The following KAT6B variants were observed in gnomAD, a reference collection of about 807,000 sequenced individuals.
KAT6B encodes histone acetyltransferase KAT6B.
KAT6B carries 10 observed loss-of-function variants against 187.5 expected under a neutral mutation model. The ratio of observed to expected loss-of-function variants is 0.05; its 90% confidence interval spans 0.03 to 0.09. KAT6B has a LOEUF of 0.09. KAT6B is among the 10% of genes least tolerant of loss of function. KAT6B has a pLI of 1.00. For synonymous variants in KAT6B, 861 were observed against 926.8 expected (o/e 0.93, Z 1.29); for missense variants, 1,952 against 2,558.9 (o/e 0.76, Z 5.12).
chr10:75,010,145 T>TGG (rs1245474036), intron 13 of KAT6B, among the ~76,000 whole-genome samples: 1 of 152,062 alleles, frequency 6.6e-6, no homozygotes, highest in Non-Finnish European at 1.5e-5. Context: ...GCAATAACCC[T>TGG]GGGGGGACAC....
chr10:74,973,078 G>A (rs1036240945), intron 7 of KAT6B, among the ~76,000 whole-genome samples: 1 of 152,212 alleles, frequency 6.6e-6, no homozygotes, highest in Non-Finnish European at 1.5e-5. Context: ...TGATAGTAAT[G>A]TAGCATTACC....
At chr10:75,020,464 T>C in intron 13 of KAT6B, 118 bp from the exon 14 acceptor site, 2 of 743,094 alleles carry the variant, frequency 2.7e-6, no homozygotes, top group Non-Finnish European at 4.8e-6. Flanking sequence ...CTAAAGCGAA[T>C]GCACTTCTCT....
At chr10:74,906,455 A>G (rs758324607) in intron 3 of KAT6B, among the ~76,000 whole-genome samples, 22 of 152,106 alleles carry the variant, frequency 1.4e-4, no homozygotes, top group Non-Finnish European at 2.5e-4. Flanking sequence ...ATATTGGGAC[A>G]TTTGAAAGAT....
intron 3 of KAT6B, among the ~76,000 whole-genome samples, chr10:74,878,634 A>AG (rs1042921506): frequency 6.6e-6 from 1 of 152,002 alleles, no homozygotes; most frequent in Non-Finnish European, 1.5e-5. Context: ...AAAAAAAAAA[A>AG]AAAAAGACAT....
chr10:74,972,807 C>G (rs1841932778), intron 7 of KAT6B, among the ~76,000 whole-genome samples, 168 bp downstream of exon 7: 1 of 152,008 alleles, frequency 6.6e-6, no homozygotes, highest in Non-Finnish European at 1.5e-5. Flanking sequence ...TTGAAAATAA[C>G]ATTTTTAATT....
At chr10:74,979,487 C>T (rs1842373412) in intron 10 of KAT6B, 148 bp downstream of exon 10, 7 of 692,920 alleles carry the variant, frequency 1.0e-5, no homozygotes, top group South Asian at 9.4e-5. Context: ...ATTGCTTTTG[C>T]CAGCACCTTT....
At chr10:74,973,448 A>G (rs936917403) in intron 7 of KAT6B, among the ~76,000 whole-genome samples, 19 of 152,216 alleles carry the variant, frequency 1.2e-4, no homozygotes, top group African/African-American at 3.4e-4. Context: ...AGTTCTACCA[A>G]CAGACTACCA....
chr10:74,969,522 C>A lies in KAT6B; in HGVS notation c.731-138C>A. ...GAAAGGAAAATCTGTAATTCGGATT[C>A]TCTGATCTGTTGGCATTTTCAAGTT... is the stretch of plus-strand genomic sequence containing the variant. On this transcript the variant is annotated intron_variant, in intron 4 of 17. Coordinates refer to ENST00000287239, the MANE Select transcript of KAT6B (RefSeq NM_012330.4). The A allele has an allele frequency of 4.4e-6, 3 of 686,194 alleles. No individual in the cohort carries two copies. In the South Asian group the frequency reaches 4.7e-5, roughly 11 times the overall value. The allele number at this position is 686,194 out of a possible 1,614,324, so 42.5% of individuals were successfully genotyped here. A position where few individuals can be genotyped will look rare whatever the true frequency, so the allele number is the denominator to read the frequency against.
intron 3 of KAT6B, among the ~76,000 whole-genome samples, chr10:74,851,521 C>T (rs994946954): frequency 3.9e-5 from 6 of 151,910 alleles, no homozygotes; most frequent in African/African-American, 7.3e-5. Flanking sequence ...TTAGTAGAAA[C>T]GGGGTTTCAC....
intron 3 of KAT6B, among the ~76,000 whole-genome samples, chr10:74,857,699 T>C (rs919994493): frequency 6.6e-6 from 1 of 152,176 alleles, no homozygotes; most frequent in Admixed American, 6.5e-5. Context: ...TTTTGGGCTA[T>C]GGTGAACCAT....
chr10:75,018,919 G>T (rs942741352), intron 13 of KAT6B, among the ~76,000 whole-genome samples: 6 of 152,168 alleles, frequency 3.9e-5, no homozygotes, highest in Non-Finnish European at 8.8e-5. Context: ...CAGCCTCCTG[G>T]GTACGTTTCT....
At chr10:74,831,073 G>A (rs1424239324) in intron 1 of KAT6B, among the ~76,000 whole-genome samples, 1 of 151,964 alleles carries the variant, frequency 6.6e-6, no homozygotes, top group Admixed American at 6.6e-5. Flanking sequence ...ACAGGCGTGA[G>A]CCTCTGCACC....
At chr10:74,948,966 T>A (rs561628039) in intron 3 of KAT6B, among the ~76,000 whole-genome samples, 4 of 152,216 alleles carry the variant, frequency 2.6e-5, no homozygotes, top group African/African-American at 4.8e-5. Context: ...AAATAAATTA[T>A]AGTCTTGAAG....
chr10:74,953,957 A>AT (rs1840494381), intron 3 of KAT6B, among the ~76,000 whole-genome samples: 1 of 152,226 alleles, frequency 6.6e-6, no homozygotes, highest in Non-Finnish European at 1.5e-5. Flanking sequence ...ATGCTATCTT[A>AT]TTTTGAGATC....
intron 3 of KAT6B, among the ~76,000 whole-genome samples, chr10:74,911,852 C>G (rs1847224340): frequency 6.6e-6 from 1 of 151,824 alleles, no homozygotes; most frequent in African/African-American, 2.4e-5. Context: ...TTTTAAGAAA[C>G]AGGGTCTTGC....
At chr10:74,886,928 G>A (rs546300432) in intron 3 of KAT6B, among the ~76,000 whole-genome samples, 1 of 152,252 alleles carries the variant, frequency 6.6e-6, no homozygotes, top group African/African-American at 2.4e-5. Flanking sequence ...GGTTTGGACA[G>A]GCTGGGCAGT....
rs111496157 is a variant in KAT6B at position 75,007,000 on chromosome 10, G to A, written c.2630-13582G>A. On this transcript the variant is annotated intron_variant, in intron 13 of 17. Transcript: ENST00000287239. ...GGAGCATCCCTTGAACCCGGGAGGC[G>A]GAGGTTGCAGTGAGCTGAGATCGTG... Among the ~76,000 whole-genome samples, 21 of 151,288 alleles carry A rather than the reference G, an allele frequency of 1.4e-4. No homozygotes were observed. In the East Asian group the frequency reaches 2.3e-3, roughly 17 times the overall value.
At chr10:74,843,509 C>T (rs770689470) in intron 3 of KAT6B, 31 bp downstream of exon 3, 5 of 1,611,294 alleles carry the variant, frequency 3.1e-6, no homozygotes, top group Non-Finnish European at 4.2e-6. Flanking sequence ...CGTGCATTCT[C>T]ACTACTGTCC....
At chr10:74,915,939 G>A (rs1847644177) in intron 3 of KAT6B, among the ~76,000 whole-genome samples, 1 of 152,200 alleles carries the variant, frequency 6.6e-6, no homozygotes, top group Non-Finnish European at 1.5e-5. Flanking sequence ...GGCCAAGGCA[G>A]GTGGATCACA....
Sources: allele counts gnomAD v4.1 joint callset (sites outside exome capture counted in the v4.1 genomes callset), GRCh38; gene constraint gnomAD v4.1.1; transcripts MANE v1.5; gene names NCBI Gene and HGNC (gene_info 2026-07-23, HGNC 2026-07-21).